The following SH2B3 variants were observed in gnomAD, a reference collection of about 807,000 sequenced individuals.
SH2B3 encodes the protein SH2B adapter protein 3.
A neutral mutation model predicts 51.9 loss-of-function variants in SH2B3; 43 were observed. The observed-to-expected ratio is 0.83, with a 90% CI of 0.65 to 1.07. The LOEUF is 1.07. SH2B3 is among the 50% of genes least tolerant of loss of function. The pLI, the probability that SH2B3 is intolerant of heterozygous loss-of-function variation, is 0.00. For missense variants in SH2B3, 952 were observed against 834.3 expected, an observed-to-expected ratio of 1.14 and a Z score of -1.74; for synonymous variants, 396 against 376.0, an observed-to-expected ratio of 1.05 and a Z score of -0.62.
chr12:111,419,620 G>C (rs906738652), intron 2 of SH2B3, among the ~76,000 whole-genome samples: 2 of 150,882 alleles, frequency 1.3e-5, no homozygotes, highest in African/African-American at 4.9e-5. Flanking sequence ...CTTGGTGACA[G>C]AGTGAGACTC....
chr12:111,407,305 C>T lies in SH2B3; in HGVS notation c.-28+1028C>T, dbSNP rs543082272. On this transcript the variant is annotated intron_variant, in intron 1 of 7. Transcript: ENST00000341259. The surrounding 1 kb of genome is among the most constrained non-coding windows in gnomAD (Gnocchi z 4.3). ...GGTGGGGGGTTCAGAGCAGAGGCCC[C>T]GGCAAGGCAATGTCGGCAAGGCCAG... 1.1e-4 allele frequency among the ~76,000 whole-genome samples: 16 copies of T among 152,158 alleles called. No homozygotes were observed. The highest frequency in any genetic ancestry group is 3.9e-4 in the African/African-American group (16 of 41,518).
Position 111,407,621 on chromosome 12 carries a change from A to T in SH2B3, c.-28+1344A>T, listed in dbSNP as rs748374121. ...ATGAGAGCCAGGGCCTACTGGGGGA[A>T]GTTGGAAGGGTTTTTAGTGCACTTT... On this transcript the variant is annotated intron_variant, in intron 1 of 7. Transcript: ENST00000341259. This position sits in a 1 kb window ranked among gnomAD's most constrained non-coding sequence, Gnocchi z 4.3. Among the ~76,000 whole-genome samples, 1 of 152,182 alleles carries T rather than the reference A, an allele frequency of 6.6e-6. No homozygotes were observed. The highest frequency in any genetic ancestry group is 1.5e-5 in the Non-Finnish European group (1 of 68,016).
intron 2 of SH2B3, among the ~76,000 whole-genome samples, chr12:111,427,009 A>G (rs966819903): frequency 6.6e-6 from 1 of 152,132 alleles, no homozygotes; most frequent in African/African-American, 2.4e-5. Context: ...CAGTTACAAG[A>G]AAAGGAAATT....
chr12:111,446,175 T>C (rs747456890), intron 2 of SH2B3, among the ~76,000 whole-genome samples: 3 of 152,228 alleles, frequency 2.0e-5, no homozygotes, highest in Non-Finnish European at 2.9e-5. Context: ...AGCAGCTGGC[T>C]CCTTGGCTGC....
intron 2 of SH2B3, among the ~76,000 whole-genome samples, chr12:111,420,324 C>T (rs1871432197): frequency 6.9e-6 from 1 of 145,880 alleles, no homozygotes; most frequent in African/African-American, 2.6e-5. Flanking sequence ...GCCAAGATCG[C>T]ACCACAGCAC....
At chr12:111,414,434 A>G (rs112307832) in intron 1 of SH2B3, among the ~76,000 whole-genome samples, 35 of 152,110 alleles carry the variant, frequency 2.3e-4, no homozygotes, top group Non-Finnish European at 3.7e-4. Flanking sequence ...TCTACAAAAA[A>G]TACAAAAATT....
At chr12:111,441,966 C>T (rs550817807) in intron 2 of SH2B3, among the ~76,000 whole-genome samples, 1 of 152,028 alleles carries the variant, frequency 6.6e-6, no homozygotes, top group Non-Finnish European at 1.5e-5. Context: ...GGGTCTCACT[C>T]TGTCGACCAG....
Position 111,435,812 on chromosome 12 carries a change from G to A in SH2B3, c.733-10941G>A, listed in dbSNP as rs1593061822. Among the ~76,000 whole-genome samples the A allele has an allele frequency of 6.6e-6, 1 of 152,228 alleles. No homozygotes were observed. The highest frequency in any genetic ancestry group is 6.5e-5 in the Admixed American group (1 of 15,288). On this transcript the variant is annotated intron_variant, in intron 2 of 7. Coordinates refer to ENST00000341259, the MANE Select transcript of SH2B3 (RefSeq NM_005475.3). The surrounding 1 kb of genome is among the most constrained non-coding windows in gnomAD (Gnocchi z 4.8). ...TCACCTGAAAAAGGTGTGGCCAAGGGCAGGGGTGCTGGGCTTAGCCAGGCT... is the reference window on the plus strand; with the variant it reads ...TCACCTGAAAAAGGTGTGGCCAAGGACAGGGGTGCTGGGCTTAGCCAGGCT...
rs1871307327 is a variant in SH2B3, at chr12:111,418,792, G to A, written c.647G>A (p.Arg216His). ...GAGGCCTCCATGGACAGCGGGGCAC[G>A]CTGGCAGCGCGGGAGGCTGGCGCTG... is the stretch of plus-strand genomic sequence containing the variant. ...ADEASMDSGA[R>H]WQRGRLALRR... Residue 216 changes from arginine (R) to histidine (H), a missense_variant, in exon 2 of 8, where the codon CGC becomes CAC. Coordinates refer to ENST00000341259, the MANE Select transcript of SH2B3 (RefSeq NM_005475.3). This position sits in a 1 kb window ranked among gnomAD's most constrained non-coding sequence, Gnocchi z 6.7. 1.4e-6 allele frequency: 2 copies of A among 1,456,478 alleles called. No homozygotes were observed. The highest frequency in any genetic ancestry group is 2.7e-5 in the Admixed American group (1 of 36,958). The allele number at this position is 1,456,478 out of a possible 1,614,324, so 90.2% of individuals were successfully genotyped here.
Position 111,438,712 on chromosome 12 carries a change from T to G in SH2B3, c.733-8041T>G, listed in dbSNP as rs1458191102. Reference sequence around the variant, plus strand: ...ATAGGACAACAGGCAGGGAAGGAAGTGAAGGGGCTTTGCGGCTCAGGATTT... The same window carrying G: ...ATAGGACAACAGGCAGGGAAGGAAGGGAAGGGGCTTTGCGGCTCAGGATTT... On this transcript the variant is annotated intron_variant, in intron 2 of 7. Transcript: ENST00000341259. The surrounding 1 kb of genome is among the most constrained non-coding windows in gnomAD (Gnocchi z 4.2). Among the ~76,000 whole-genome samples, 1 of 152,030 alleles carries G rather than the reference T, an allele frequency of 6.6e-6. No homozygotes were observed. The highest frequency in any genetic ancestry group is 2.4e-5 in the African/African-American group (1 of 41,366).
At chr12:111,437,602 G>T (rs1370093750) in intron 2 of SH2B3, among the ~76,000 whole-genome samples, 1 of 152,150 alleles carries the variant, frequency 6.6e-6, no homozygotes, top group Non-Finnish European at 1.5e-5. Flanking sequence ...AAAGTAATTT[G>T]CTCAGGGCCC....
At chr12:111,420,862 G>C (rs1186220642) in intron 2 of SH2B3, among the ~76,000 whole-genome samples, 3 of 152,202 alleles carry the variant, frequency 2.0e-5, no homozygotes, top group African/African-American at 7.2e-5. Flanking sequence ...CCGGTTTGGC[G>C]GTTTGGGAGA....
chr12:111,445,816 C>G (rs538717864), intron 2 of SH2B3, among the ~76,000 whole-genome samples: 7 of 152,360 alleles, frequency 4.6e-5, no homozygotes, highest in African/African-American at 4.8e-5. Flanking sequence ...CCTGGCAGCT[C>G]TGTGTGTAAA....
chr12:111,418,156 C>A lies in SH2B3; in HGVS notation c.11C>A (p.Pro4His). ...ACCTGGGTCTCCGCCATGAACGGGC[C>A]TGCCCTGCAGCCCTCCTCGCCCTCT... Reference protein sequence around the residue: MNGPALQPSSPSSA... With the variant: MNGHALQPSSPSSA... Residue 4 changes from proline (P) to histidine (H), a missense_variant, in exon 2 of 8, where the codon CCT (proline) becomes CAT (histidine). Coordinates refer to ENST00000341259, the MANE Select transcript of SH2B3 (RefSeq NM_005475.3). This position sits in a 1 kb window ranked among gnomAD's most constrained non-coding sequence, Gnocchi z 6.7. 6.6e-7 allele frequency: 1 copy of A among 1,523,794 alleles called. No homozygotes were observed. The highest frequency in any genetic ancestry group is 8.7e-7 in the Non-Finnish European group (1 of 1,150,464). 94.4% of individuals were successfully genotyped at this position (1,523,794 alleles called of 1,614,324 possible).
At position 111,418,205 on chromosome 12, in the gene SH2B3, G is replaced by A. The variant is rs774410594; in HGVS notation, c.60G>A (p.Ala20=). 6.3e-7 allele frequency: 1 copy of A among 1,577,810 alleles called. No homozygotes were observed. Among genetic ancestry groups the A allele is most frequent in the Non-Finnish European group, 8.5e-7 (1 of 1,172,320 alleles). Residue 20 remains alanine (A), a synonymous_variant, in exon 2 of 8, where the codon GCG becomes GCA. Coordinates refer to ENST00000341259, the MANE Select transcript of SH2B3 (RefSeq NM_005475.3). This position sits in a 1 kb window ranked among gnomAD's most constrained non-coding sequence, Gnocchi z 6.7. ...SPSSAPSASP[A]AAPRGWSEFC... Reference sequence around the variant, plus strand: ...CTTCCGCGCCCTCAGCCTCCCCGGCGGCGGCCCCGCGGGGCTGGAGCGAGT... The same window carrying A: ...CTTCCGCGCCCTCAGCCTCCCCGGCAGCGGCCCCGCGGGGCTGGAGCGAGT...
chr12:111,445,272 G>A (rs1873827316), intron 2 of SH2B3, among the ~76,000 whole-genome samples: 2 of 152,166 alleles, frequency 1.3e-5, no homozygotes, highest in African/African-American at 4.8e-5. Context: ...GGCCAGGCAG[G>A]GCCAACTGGA....
intron 2 of SH2B3, among the ~76,000 whole-genome samples, chr12:111,423,107 G>C (rs760522214): frequency 6.6e-6 from 1 of 152,208 alleles, no homozygotes; most frequent in Non-Finnish European, 1.5e-5. Flanking sequence ...TTGAAGAAAG[G>C]ACAAGATGAA....
chr12:111,422,629 C>T (rs948418006), intron 2 of SH2B3, among the ~76,000 whole-genome samples: 10 of 151,384 alleles, frequency 6.6e-5, no homozygotes, highest in African/African-American at 1.7e-4. Context: ...GGCGCAATCT[C>T]GGCTCACTGC....
intron 1 of SH2B3, among the ~76,000 whole-genome samples, chr12:111,415,000 C>T (rs1030655760): frequency 2.0e-5 from 3 of 152,190 alleles, no homozygotes; most frequent in Admixed American, 2.0e-4. Flanking sequence ...GAGCAGTGTT[C>T]GTCTGTGCTG....
Sources: allele counts gnomAD v4.1 joint callset (sites outside exome capture counted in the v4.1 genomes callset), GRCh38; gene constraint gnomAD v4.1.1; non-coding constraint Gnocchi (gnomAD v3.1); transcripts MANE v1.5; gene names NCBI Gene and HGNC (gene_info 2026-07-23, HGNC 2026-07-21).